FHDC1: variants seen among roughly 807,000 people sequenced by gnomAD.
The protein encoded by FHDC1 is FH2 domain-containing protein 1.
In FHDC1, 25 loss-of-function variants were observed where a neutral mutation model predicts 52.6. The observed-to-expected ratio is 0.48, with a 90% CI of 0.35 to 0.66. FHDC1 has a LOEUF of 0.66. Ranked by LOEUF, FHDC1 falls within the 30% of genes least tolerant of loss-of-function variation. The pLI is 0.01. For missense variants in FHDC1, 1,459 were observed against 1,452.8 expected (o/e 1.00, Z -0.07); for synonymous variants, 616 against 581.5 (o/e 1.06, Z -0.85).
At chr4:152,927,802 C>T in the FHDC1 span, 33 of 1,436,024 alleles carry the variant, frequency 2.3e-5, no homozygotes, top group Non-Finnish European at 3.2e-5. Flanking sequence ...GAAATAACCT[C>T]AAGAAGGTTG....
At chr4:152,935,590 T>C (rs1407719690), upstream of FHDC1, among the ~76,000 whole-genome samples, 2 of 152,156 alleles carry the variant, frequency 1.3e-5, no homozygotes, top group African/African-American at 4.8e-5. Context: ...TAATACAACC[T>C]AAAGGTTTCT....
the FHDC1 span, among the ~76,000 whole-genome samples, chr4:152,929,320 C>G: frequency 1.3e-5 from 2 of 152,144 alleles, no homozygotes; most frequent in Non-Finnish European, 2.9e-5. The surrounding 1 kb of genome is among the most constrained non-coding windows in gnomAD (Gnocchi z 4.1). Context: ...CTTAGTGAAA[C>G]AATAAGGCAA....
chr4:152,958,631 G>C (rs1740183997), intron 4 of FHDC1, among the ~76,000 whole-genome samples: 2 of 152,196 alleles, frequency 1.3e-5, no homozygotes, highest in Non-Finnish European at 2.9e-5. Context: ...TGAAAACCAT[G>C]CTGTGATTTT....
At chr4:152,943,644 A>T (rs1739644503) in intron 2 of FHDC1, 89 bp downstream of exon 2, 1 of 1,425,210 alleles carries the variant, frequency 7.0e-7, no homozygotes, top group Non-Finnish European at 9.5e-7. Context: ...ATTGCTAGAC[A>T]CCCCTAAGAA....
rs58783965 is a variant in FHDC1, at chr4:152,963,769, G to GTTTTTTTTTTTTTTTTTTTTTTTTTTT, written c.1029+647_1029+673dup. 5.8e-5 allele frequency among the ~76,000 whole-genome samples: 3 copies of GTTTTTTTTTTTTTTTTTTTTTTTTTTT among 51,794 alleles called. 1 individual carries two copies. The highest frequency in any genetic ancestry group is 7.4e-5 in the Non-Finnish European group (2 of 27,130). 34.0% of individuals were successfully genotyped at this position (51,794 alleles called of 152,430 possible). On this transcript the variant is annotated intron_variant, in intron 8 of 11. Coordinates refer to ENST00000511601, the MANE Select transcript of FHDC1 (RefSeq NM_001371116.1). ...GGAGTCTGATCCTATCCATTGCTTT[G>GTTTTTTTTTTTTTTTTTTTTTTTTTTT]TTTTTTTTTTTTTTTTTTTTTTTTT...
At position 152,964,942 on chromosome 4, in the gene FHDC1, C is replaced by T; in HGVS notation, c.1067C>T (p.Ser356Leu). 1 of 1,612,166 alleles carries T rather than the reference C, an allele frequency of 6.2e-7. No individual in the cohort carries two copies. Among genetic ancestry groups the T allele is most frequent in the East Asian group, 2.2e-5 (1 of 44,782 alleles). Residue 356 changes from serine to leucine, a missense_variant, in exon 9 of 12, where the codon TCA becomes TTA. Around this residue, in one of 3 missense-constraint regions of FHDC1, gnomAD observed 513 missense variants for 581.5 expected, o/e 0.88. Coordinates refer to ENST00000511601, the MANE Select transcript of FHDC1 (RefSeq NM_001371116.1). ...QKKDTILLNF[S>L]EKLHHVQKTA... is the part of the protein sequence containing the mutation. ...AAAGATACCATTCTTCTAAACTTTT[C>T]AGAAAAATTGCATCATGTTCAGAAG...
At chr4:152,953,921 G>A (rs370257318) in intron 3 of FHDC1, among the ~76,000 whole-genome samples, 36 of 152,370 alleles carry the variant, frequency 2.4e-4, no homozygotes, top group African/African-American at 8.4e-4. Context: ...GGGTTTCAGT[G>A]AGACCAAAGA....
rs924379514 is a variant in FHDC1 at position 152,960,634 on chromosome 4, T to G, written c.733T>G (p.Leu245Val). ...LSLADSFLYG[L>V]IQVPNYSLRI... ...TCTGGCAGATTCCTTTCTGTATGGC[T>G]TAATTCAGGTGCCAAAGTAAGGATA... The change falls in exon 5 of 12, where the codon TTA becomes GTA. Residue 245 changes from leucine (L) to valine (V), a missense_variant. This residue lies in a region of FHDC1 where 513 missense variants were observed against 581.5 expected (regional missense o/e 0.88). Coordinates refer to ENST00000511601, the MANE Select transcript of FHDC1 (RefSeq NM_001371116.1). 5.0e-6 allele frequency: 8 copies of G among 1,614,180 alleles called. No individual in the cohort carries two copies. Among genetic ancestry groups the G allele is most frequent in the Non-Finnish European group, 6.8e-6 (8 of 1,180,026 alleles).
At chr4:152,968,528 C>T (rs1391275998) in intron 10 of FHDC1, among the ~76,000 whole-genome samples, 1 of 152,114 alleles carries the variant, frequency 6.6e-6, no homozygotes, top group Non-Finnish European at 1.5e-5. Context: ...GCGGTTTTGC[C>T]ATGTTGGCCA....
chr4:152,940,574 A>G (rs1013248474), intron 1 of FHDC1, among the ~76,000 whole-genome samples: 109 of 152,280 alleles, frequency 7.2e-4, no homozygotes, highest in African/African-American at 2.6e-3. Context: ...CTTTGTCAGT[A>G]TCTCTGTATT....
intron 2 of FHDC1, among the ~76,000 whole-genome samples, chr4:152,953,163 A>T (rs1261442475): frequency 6.6e-6 from 1 of 152,178 alleles, no homozygotes; most frequent in African/African-American, 2.4e-5. Flanking sequence ...AATGCATTTC[A>T]TATCCCACTA....
Position 152,976,098 on chromosome 4 carries a change from A to G in FHDC1, c.2807A>G (p.Asp936Gly). The G allele has an allele frequency of 6.2e-7, 1 of 1,610,238 alleles. No individual in the cohort carries two copies. The highest frequency in any genetic ancestry group is 8.5e-7 in the Non-Finnish European group (1 of 1,178,632). ...TCCCAGAATCCCCCCAGCAGCACAG[A>G]TACTGTGTGGTCACGCCAGAACTCC... ...GPSQNPPSSTDTVWSRQNSVR... is the reference protein window; with the variant it reads ...GPSQNPPSSTGTVWSRQNSVR... The change falls in exon 12 of 12, where the codon GAT becomes GGT. Residue 936 changes from aspartate (D) to glycine (G), a missense_variant. Transcript: ENST00000511601.
upstream of FHDC1, among the ~76,000 whole-genome samples, chr4:152,931,944 A>T (rs1434585323): frequency 1.7e-5 from 1 of 59,632 alleles, no homozygotes; most frequent in Non-Finnish European, 4.5e-5. Flanking sequence ...CTAAAAAAAA[A>T]AAAAAAAAAA....
intron 6 of FHDC1, among the ~76,000 whole-genome samples, chr4:152,962,174 T>C (rs1449469639): frequency 6.6e-6 from 1 of 152,212 alleles, no homozygotes. Flanking sequence ...GATTTGGTGT[T>C]AATAAAGAAC....
At chr4:152,953,877 T>C (rs368181887) in intron 3 of FHDC1, among the ~76,000 whole-genome samples, 1 of 152,356 alleles carries the variant, frequency 6.6e-6, no homozygotes, top group South Asian at 2.1e-4. Flanking sequence ...GGTCAGAGTT[T>C]TGTGTTCTGA....
chr4:152,954,183 C>T (rs1162610124), intron 3 of FHDC1, 34 bp from the exon 4 acceptor site: 5 of 1,575,846 alleles, frequency 3.2e-6, no homozygotes, highest in African/African-American at 1.3e-5. Context: ...CTCCAGCAAA[C>T]GTGAAATGGA....
Position 152,953,510 on chromosome 4 carries a change from G to C in FHDC1, c.510G>C (p.Leu170Phe). 1 of 1,610,366 alleles carries C rather than the reference G, an allele frequency of 6.2e-7. No individual in the cohort carries two copies. Among genetic ancestry groups the C allele is most frequent in the Non-Finnish European group, 8.5e-7 (1 of 1,178,740 alleles). The change falls in exon 3 of 12, where the codon TTG (leucine) becomes TTC (phenylalanine). Residue 170 changes from leucine to phenylalanine, a missense_variant. Coordinates refer to ENST00000511601, the MANE Select transcript of FHDC1 (RefSeq NM_001371116.1). ...FREAREEITI[L>F]DAKRSMNIGI... The stretch of plus-strand genomic sequence containing the variant: ...ATTTTTTTTTCCAGATTACTATTTT[G>C]GATGCAAAACGGAGCATGAACATTG...
the FHDC1 span, among the ~76,000 whole-genome samples, chr4:152,922,389 C>T: frequency 7.2e-5 from 11 of 152,240 alleles, no homozygotes; most frequent in East Asian, 1.9e-4. Context: ...AAAAAGAGTC[C>T]GGGACCAGAT....
At chr4:152,918,570 TTCAATTC>T in the FHDC1 span, 72 of 152,354 alleles carry the variant, frequency 4.7e-4, no homozygotes, top group African/African-American at 1.6e-3. Flanking sequence ...AGCCACATGC[TTCAATTC>T]TCAGTCCTCT....
Sources: gnomAD v4.1 joint callset for allele counts (sites outside exome capture counted in the v4.1 genomes callset) on GRCh38, gnomAD v4.1.1 for gene constraint, gnomAD v4.1.1 regional missense constraint, Gnocchi (gnomAD v3.1) non-coding constraint, MANE v1.5 for transcripts, NCBI Gene and HGNC (gene_info 2026-07-23, HGNC 2026-07-21) for gene names.